The following RHBDD3 variants were observed in gnomAD, a reference collection of about 807,000 sequenced individuals.
RHBDD3 encodes rhomboid domain containing 3, also known as rhomboid domain-containing protein 3.
A neutral mutation model predicts 32.3 loss-of-function variants in RHBDD3; 34 were observed. The ratio of observed to expected loss-of-function variants is 1.05; its 90% confidence interval spans 0.80 to 1.40. RHBDD3 has a LOEUF of 1.40. Among genes scored for constraint, RHBDD3 ranks in the 40% most tolerant of loss-of-function variants. The pLI is 0.00. For synonymous variants in RHBDD3, 249 were observed against 239.1 expected, an observed-to-expected ratio of 1.04 and a Z score of -0.38; for missense variants, 482 against 492.6, an observed-to-expected ratio of 0.98 and a Z score of 0.20.
chr22:29,264,474 C>G, intron 3 of RHBDD3: 1 of 1,287,746 alleles, frequency 7.8e-7, no homozygotes. Context: ...CACTGACAAC[C>G]CGCTACAGAG....
At position 29,261,586 on chromosome 22, in the gene RHBDD3, CCT is replaced by C. The variant is rs1328340797; in HGVS notation, c.533-724_533-723del. 4.0e-5 allele frequency among the ~76,000 whole-genome samples: 6 copies of C among 151,864 alleles called. No individual in the cohort carries two copies. The East Asian group carries it at 9.6e-4, about 24-fold the overall frequency. Reference sequence around the variant, plus strand: ...TCCAGCTTGGGTGACAGAATGAGACCCTGTCTCTAAAAATTAAAAAAAAAATC... The same window carrying C: ...TCCAGCTTGGGTGACAGAATGAGACCGTCTCTAAAAATTAAAAAAAAAATC... On this transcript the variant is annotated intron_variant, in intron 4 of 6. Transcript: ENST00000216085.
rs2058114194 is a variant in RHBDD3 at position 29,261,230 on chromosome 22, C to T, written c.533-366G>A. ...ATTGCCTTCAGACAGGCCTGGATAA[C>T]TCCTGTCACCAATCCAGAGTGCAGA... On this transcript the variant is annotated intron_variant, in intron 4 of 6. Transcript: ENST00000216085. The T allele has an allele frequency of 5.9e-6, 3 of 511,122 alleles. No individual in the cohort carries two copies. The Admixed American group carries it at 6.9e-5, about 12-fold the overall frequency. The allele number at this position is 511,122 out of a possible 1,614,324, so 31.7% of individuals were successfully genotyped here.
chr22:29,266,113 G>A (rs1328418840), intron 2 of RHBDD3, among the ~76,000 whole-genome samples: 1 of 152,192 alleles, frequency 6.6e-6, no homozygotes, highest in Non-Finnish European at 1.5e-5. Flanking sequence ...TGGGCAAGCC[G>A]ACAGGGTAAG....
At chr22:29,261,057 G>T in intron 4 of RHBDD3, 193 bp from the exon 5 acceptor site, 1 of 655,234 alleles carries the variant, frequency 1.5e-6, no homozygotes, top group Non-Finnish European at 2.6e-6. Context: ...TCTGCCTGAA[G>T]CTACTCAGCC....
intron 4 of RHBDD3, among the ~76,000 whole-genome samples, chr22:29,263,194 G>A (rs897472381): frequency 2.6e-5 from 4 of 152,334 alleles, no homozygotes; most frequent in Admixed American, 6.5e-5. Context: ...ACAGGTGCAC[G>A]CCACCACGCC....
In RHBDD3 at chr22:29,264,210, GC is replaced by G; in HGVS notation, c.156del (p.Leu53CysfsTer2). 6.5e-7 allele frequency: 1 copy of G among 1,535,710 alleles called. No homozygotes were observed. Among genetic ancestry groups the G allele is most frequent in the Non-Finnish European group, 8.8e-7 (1 of 1,142,484 alleles). On this transcript the variant is annotated frameshift_variant, in exon 4 of 7. Transcript: ENST00000216085. LOFTEE classifies it high-confidence loss of function. ...GTGTGGCCCAGGGCATGGGTCAGCA[GC>G]CGGTGCACTGGGAGAGAGAAGGGGC... ...ELLLDPWQVHRLLTHALGHTA... is the reference protein window; with the variant it reads ...ELLLDPWQVHXLLTHALGHTA...
At chr22:29,263,409 C>T (rs1032002804) in intron 4 of RHBDD3, among the ~76,000 whole-genome samples, 9 of 152,184 alleles carry the variant, frequency 5.9e-5, no homozygotes, top group Non-Finnish European at 1.5e-5. Flanking sequence ...GAACTCCAGA[C>T]CTCAAGTGAT....
rs377639977 is a variant in RHBDD3, at chr22:29,265,648, G to T, written c.-22C>A. The T allele has an allele frequency of 1.5e-5, 23 of 1,568,910 alleles. No homozygotes were observed. The highest frequency in any genetic ancestry group is 1.9e-5 in the Non-Finnish European group (22 of 1,164,394). Reference sequence around the variant, plus strand: ...GCATCGCTTGGTTGAGGACGGTCAAGGGTGGTCCTGGGGCTGTGTGCTGGG... The same window carrying T: ...GCATCGCTTGGTTGAGGACGGTCAATGGTGGTCCTGGGGCTGTGTGCTGGG... On this transcript the variant is annotated 5_prime_UTR_variant, in exon 3 of 7. Coordinates refer to ENST00000216085, the MANE Select transcript of RHBDD3 (RefSeq NM_012265.3).
At position 29,264,072 on chromosome 22, in the gene RHBDD3, C is replaced by G; in HGVS notation, c.295G>C (p.Ala99Pro). 6.3e-7 allele frequency: 1 copy of G among 1,581,350 alleles called. No homozygotes were observed. Among genetic ancestry groups the G allele is most frequent in the African/African-American group, 1.3e-5 (1 of 74,686 alleles). ...AGCAGCACTGCCAGCAGCCCAGAAG[C>G]CAGGGCGAGCAGGGCTGAGGCATGC... ...FLHASALLAL[A>P]SGLLAVLLAG... The change falls in exon 4 of 7, where the codon GCT becomes CCT. Residue 99 changes from alanine (A) to proline (P), a missense_variant. Coordinates refer to ENST00000216085, the MANE Select transcript of RHBDD3 (RefSeq NM_012265.3).
upstream of RHBDD3, chr22:29,268,139 G>A: frequency 1.5e-6 from 1 of 652,636 alleles, no homozygotes; most frequent in Non-Finnish European, 2.7e-6. Context: ...CACGTCGGGC[G>A]CTCTTTAGAG....
At chr22:29,262,771 A>G (rs1189319013) in intron 4 of RHBDD3, among the ~76,000 whole-genome samples, 2 of 150,804 alleles carry the variant, frequency 1.3e-5, no homozygotes, top group Admixed American at 1.3e-4. Context: ...CAGCAGCGCT[A>G]TCTTGGCTCA....
chr22:29,260,409 G>A lies in RHBDD3; in HGVS notation c.900C>T (p.Gly300=), dbSNP rs2058098575. The change falls in exon 6 of 7, where the codon GGC becomes GGT. Residue 300 remains glycine, a synonymous_variant. Transcript: ENST00000216085. ...AALDEQMLQE[G]IQASLLDGPA... is the part of the protein sequence containing the mutation. ...GCCCGTCAAGAAGCGAGGCCTGGAT[G>A]CCCTCCTGCAGCATCTGCTCATCCA... The A allele has an allele frequency of 5.6e-6, 9 of 1,612,270 alleles. No individual in the cohort carries two copies. The highest frequency in any genetic ancestry group is 7.6e-6 in the Non-Finnish European group (9 of 1,179,604).
Position 29,260,603 on chromosome 22 carries a change from G to T in RHBDD3, c.706C>A (p.Pro236Thr). The change falls in exon 6 of 7, where the codon CCT becomes ACT. Residue 236 changes from proline to threonine, a missense_variant. Transcript: ENST00000216085. ...THPAGVRPPI[P>T]GPPYVASPDL... Reference sequence around the variant, plus strand: ...GGGGAGGCCACATAAGGCGGTCCAGGGATGGGAGGCCTGGAGGAGTGGGAA... The same window carrying T: ...GGGGAGGCCACATAAGGCGGTCCAGTGATGGGAGGCCTGGAGGAGTGGGAA... The T allele has an allele frequency of 6.3e-7, 1 of 1,592,750 alleles. No homozygotes were observed. The highest frequency in any genetic ancestry group is 8.6e-7 in the Non-Finnish European group (1 of 1,169,164).
At position 29,263,996 on chromosome 22, in the gene RHBDD3, A is replaced by T; in HGVS notation, c.371T>A (p.Val124Asp). ...SAAGSCGYMP[V>D]HLAMLAGEGH... is the part of the protein sequence containing the mutation. ...CTCCCCAGCCAGCATGGCCAGGTGGACAGGCATGTATCCACAGCTGCCGGC... is the reference window on the plus strand; with the variant it reads ...CTCCCCAGCCAGCATGGCCAGGTGGTCAGGCATGTATCCACAGCTGCCGGC... Residue 124 changes from valine (V) to aspartate (D), a missense_variant, in exon 4 of 7, where the codon GTC becomes GAC. By Grantham distance (152) the Val-to-Asp change is radical. Coordinates refer to ENST00000216085, the MANE Select transcript of RHBDD3 (RefSeq NM_012265.3). 20 of 1,552,514 alleles carry T rather than the reference A, an allele frequency of 1.3e-5. No individual in the cohort carries two copies. The highest frequency in any genetic ancestry group is 1.7e-5 in the Non-Finnish European group (20 of 1,147,998).
At chr22:29,264,477 C>T (rs2058155308) in intron 3 of RHBDD3, 1 of 1,280,646 alleles carries the variant, frequency 7.8e-7, no homozygotes, top group Admixed American at 3.8e-5. Context: ...TGACAACCCG[C>T]TACAGAGCAC....
chr22:29,265,712 TA>T, intron 2 of RHBDD3, 44 bp from the exon 3 acceptor site: 1 of 1,475,238 alleles, frequency 6.8e-7, no homozygotes, highest in Middle Eastern at 2.2e-4. Context: ...CTGGAGCTTT[TA>T]TCTCACCAAT....
Position 29,267,737 on chromosome 22 carries a change from C to T in RHBDD3, c.-195+11G>A, listed in dbSNP as rs995981440. The T allele has an allele frequency of 3.0e-4, 51 of 169,262 alleles. No individual in the cohort carries two copies. The highest frequency in any genetic ancestry group is 1.2e-3 in the African/African-American group (49 of 41,990). 10.5% of individuals were successfully genotyped at this position (169,262 alleles called of 1,614,324 possible). ...CCCCGCTGGCCCGGGCCACGCGTCC[C>T]GGGTACTCACTGCAGAGCGCGCCCG... On this transcript the variant is annotated intron_variant, in intron 1 of 6. Coordinates refer to ENST00000216085, the MANE Select transcript of RHBDD3 (RefSeq NM_012265.3).
rs775236015 is a variant in RHBDD3, at chr22:29,264,178, C to G, written c.189G>C (p.Leu63=). Residue 63 remains leucine, a synonymous_variant, in exon 4 of 7, where the codon CTG becomes CTC. Coordinates refer to ENST00000216085, the MANE Select transcript of RHBDD3 (RefSeq NM_012265.3). ...GCAGCAGGCTCAGGAGCAGGCCTGG[C>G]AGGGCCGTGTGGCCCAGGGCATGGG... ...LLTHALGHTA[L]PGLLLSLLLL... 1 of 1,575,606 alleles carries G rather than the reference C, an allele frequency of 6.3e-7. No individual in the cohort carries two copies. The highest frequency in any genetic ancestry group is 1.2e-5 in the South Asian group (1 of 84,786).
intron 3 of RHBDD3, chr22:29,264,513 GT>G: frequency 8.4e-7 from 1 of 1,193,162 alleles, no homozygotes; most frequent in Non-Finnish European, 1.0e-6. Context: ...CACCATGAAG[GT>G]ACTCTGCTTC....
Sources: gnomAD v4.1 joint callset for allele counts (sites outside exome capture counted in the v4.1 genomes callset) on GRCh38, gnomAD v4.1.1 for gene constraint, MANE v1.5 for transcripts, NCBI Gene and HGNC (gene_info 2026-07-23, HGNC 2026-07-21) for gene names.